Variants in WHRN observed in about 807,000 individuals in gnomAD.
WHRN encodes the protein CASK-interacting protein CIP98.
A neutral mutation model predicts 68.3 loss-of-function variants in WHRN; 41 were observed. That is an observed-to-expected ratio of 0.60 (90% CI 0.47 to 0.78). WHRN has a LOEUF of 0.78. Among genes scored for constraint, WHRN ranks in the 30% least tolerant of loss-of-function variants. The pLI is 0.00. For missense variants in WHRN, 1,243 were observed against 1,244.7 expected (o/e 1.00, Z 0.02); for synonymous variants, 560 against 561.3 (o/e 1.00, Z 0.03).
chr9:114,460,759 G>A (rs1332385430), intron 3 of WHRN, among the ~76,000 whole-genome samples: 1 of 152,200 alleles, frequency 6.6e-6, no homozygotes, highest in Non-Finnish European at 1.5e-5. Context: ...AGCTAAGTGG[G>A]CTGAGCAGCT....
At chr9:114,452,774 G>C (rs1839446834) in intron 3 of WHRN, among the ~76,000 whole-genome samples, 1 of 152,192 alleles carries the variant, frequency 6.6e-6, no homozygotes, top group Non-Finnish European at 1.5e-5. Context: ...CTGATGGAGG[G>C]CAGATGGCGG....
chr9:114,448,438 G>A (rs2147436), intron 3 of WHRN, among the ~76,000 whole-genome samples: 42,005 of 151,940 alleles, frequency 0.28, 6,063 homozygotes, highest in Admixed American at 0.36. Context: ...GCCACCCAGT[G>A]TGTGGTCATT....
chr9:114,482,988 C>T (rs114065191), intron 1 of WHRN, among the ~76,000 whole-genome samples: 1,635 of 152,258 alleles, frequency 0.011, 34 homozygotes, highest in African/African-American at 0.037. Flanking sequence ...CAGCCCAGGA[C>T]GCAGGAGGCC....
intron 7 of WHRN, among the ~76,000 whole-genome samples, chr9:114,417,401 T>C (rs1158047230): frequency 1.3e-5 from 2 of 152,196 alleles, no homozygotes; most frequent in African/African-American, 2.4e-5. Context: ...TTTCCTACCA[T>C]GTGGGAGGCG....
At chr9:114,472,530 C>T (rs934137805) in intron 2 of WHRN, among the ~76,000 whole-genome samples, 2 of 152,186 alleles carry the variant, frequency 1.3e-5, no homozygotes, top group Non-Finnish European at 2.9e-5. Context: ...CCCACGCACA[C>T]ACCACCCTCC....
chr9:114,490,671 A>G (rs747996408), intron 1 of WHRN, among the ~76,000 whole-genome samples: 1 of 152,198 alleles, frequency 6.6e-6, no homozygotes, highest in Non-Finnish European at 1.5e-5. Flanking sequence ...TGGAAGAAAG[A>G]CCTGACATTT....
At chr9:114,425,052 T>C (rs778238671) in intron 4 of WHRN, 28 bp from the exon 5 acceptor site, 1 of 1,613,864 alleles carries the variant, frequency 6.2e-7, no homozygotes, top group Non-Finnish European at 8.5e-7. Context: ...CATCTCCAGT[T>C]GTGCATTTGA....
rs908185393 is a variant in WHRN, at chr9:114,478,710, C to A, written c.680G>T (p.Gly227Val). The A allele has an allele frequency of 9.9e-6, 16 of 1,610,542 alleles. No individual in the cohort carries two copies. The highest frequency in any genetic ancestry group is 1.4e-5 in the Non-Finnish European group (16 of 1,179,210). Residue 227 changes from glycine to valine, a missense_variant, in exon 2 of 12, where the codon GGC becomes GTC. Transcript: ENST00000362057. ...GGTGTAGATGTGGTTGGTGACGTAG[C>A]CCCCAGGGATGCGCCCTGCTGAGTA... ...SVYSAGRIPG[G>V]YVTNHIYTWV...
intron 1 of WHRN, among the ~76,000 whole-genome samples, chr9:114,482,137 G>C (rs1296893473): frequency 6.6e-6 from 1 of 152,080 alleles, no homozygotes; most frequent in African/African-American, 2.4e-5. Context: ...ACACATGCCT[G>C]GTGAGAGACA....
In WHRN at chr9:114,478,649, G is replaced by A; in HGVS notation, c.741C>T (p.Pro247=). Residue 247 remains proline (P), a synonymous_variant, in exon 2 of 12, where the codon CCC becomes CCT. Transcript: ENST00000362057. Reference sequence around the variant, plus strand: ...CACCGTGGGGCTGGGGCAGGCCCGAGGGTGGGGAGATGCTGCGGCCCTGCG... The same window carrying A: ...CACCGTGGGGCTGGGGCAGGCCCGAAGGTGGGGAGATGCTGCGGCCCTGCG... The part of the protein sequence containing the change: ...VDPQGRSISP[P]SGLPQPHGGA... The A allele has an allele frequency of 1.2e-6, 2 of 1,613,746 alleles. No homozygotes were observed. The highest frequency in any genetic ancestry group is 1.7e-6 in the Non-Finnish European group (2 of 1,179,974).
intron 4 of WHRN, 98 bp downstream of exon 4, chr9:114,426,113 G>C: frequency 1.3e-6 from 2 of 1,527,972 alleles, no homozygotes; most frequent in Non-Finnish European, 1.8e-6. Flanking sequence ...TGCAGGCTGA[G>C]AGGAGAGCCA....
chr9:114,479,825 G>A (rs1289068868), intron 1 of WHRN, among the ~76,000 whole-genome samples: 2 of 152,202 alleles, frequency 1.3e-5, no homozygotes, highest in Non-Finnish European at 2.9e-5. Flanking sequence ...CACTTTGGGA[G>A]GCTGAGGCAG....
At chr9:114,404,180 T>TC in intron 9 of WHRN, 103 bp from the exon 10 acceptor site, 3 of 1,264,646 alleles carry the variant, frequency 2.4e-6, no homozygotes, top group Non-Finnish European at 3.3e-6. Flanking sequence ...CTGGGGGAAT[T>TC]CCCCAGGCAA....
In WHRN at chr9:114,500,144, T is replaced by C. The variant is rs77224407; in HGVS notation, c.618+4040A>G. Among the ~76,000 whole-genome samples, 306 of 152,312 alleles carry C rather than the reference T, an allele frequency of 2.0e-3. 2 individuals carry two copies. The highest frequency in any genetic ancestry group is 5.6e-3 in the South Asian group (27 of 4,820). On this transcript the variant is annotated intron_variant, in intron 1 of 11. Coordinates refer to ENST00000362057, the MANE Select transcript of WHRN (RefSeq NM_015404.4). ...CAAGACTAAATTAAAGAAATGGATATGCAGCAGCCACAAATCTACTCAATA... is the reference window on the plus strand; with the variant it reads ...CAAGACTAAATTAAAGAAATGGATACGCAGCAGCCACAAATCTACTCAATA...
rs1834753832 is a variant in WHRN at position 114,402,528 on chromosome 9, A to G, written c.*226T>C. 1.3e-5 allele frequency: 8 copies of G among 604,660 alleles called. No individual in the cohort carries two copies. The Admixed American group carries it at 2.0e-4, about 15-fold the overall frequency. The allele number at this position is 604,660 out of a possible 1,614,324, so 37.5% of individuals were successfully genotyped here. A position where few individuals can be genotyped will look rare whatever the true frequency, so the allele number is the denominator to read the frequency against. On this transcript the variant is annotated 3_prime_UTR_variant, in exon 12 of 12. Coordinates refer to ENST00000362057, the MANE Select transcript of WHRN (RefSeq NM_015404.4). ...TGCAACCCACTTGTCCTGGGCGCCT[A>G]CTGTGTACCCAGTACAGCACCAGTT...
chr9:114,459,522 C>T (rs1840077239), intron 3 of WHRN, among the ~76,000 whole-genome samples: 1 of 152,154 alleles, frequency 6.6e-6, no homozygotes, highest in African/African-American at 2.4e-5. Context: ...ATATAGATCA[C>T]CTGCTGCTTG....
chr9:114,488,582 A>G (rs1247509745), intron 1 of WHRN, among the ~76,000 whole-genome samples: 1 of 152,204 alleles, frequency 6.6e-6, no homozygotes, highest in Non-Finnish European at 1.5e-5. Context: ...TGGGCCTCAC[A>G]GGATGTAAAC....
chr9:114,438,606 C>T (rs559545411), intron 3 of WHRN, among the ~76,000 whole-genome samples: 4 of 152,096 alleles, frequency 2.6e-5, no homozygotes. Context: ...GTGCCCGCCA[C>T]CACGCCCAGC....
intron 9 of WHRN, 62 bp from the exon 10 acceptor site, chr9:114,404,139 G>C: frequency 1.3e-6 from 2 of 1,542,116 alleles, no homozygotes; most frequent in Admixed American, 3.6e-5. Context: ...AGGGCTGCCT[G>C]GAGGCAGTGA....
Sources: allele counts gnomAD v4.1 joint callset (sites outside exome capture counted in the v4.1 genomes callset), GRCh38; gene constraint gnomAD v4.1.1; transcripts MANE v1.5; gene names NCBI Gene and HGNC (gene_info 2026-07-23, HGNC 2026-07-21).